MYO18B: variants seen among roughly 807,000 people sequenced by gnomAD.
MYO18B encodes the protein unconventional myosin-XVIIIb.
MYO18B carries 204 observed loss-of-function variants against 273.0 expected under a neutral mutation model. That is an observed-to-expected ratio of 0.75 (90% confidence interval 0.67 to 0.84). The LOEUF (loss-of-function observed/expected upper bound fraction) is 0.84, where lower values mean the gene tolerates loss of function less well. Ranked by LOEUF, MYO18B falls within the 40% of genes least tolerant of loss-of-function variation. The pLI is 0.00. For missense variants in MYO18B, 3,212 were observed against 3,287.6 expected (o/e 0.98, Z 0.56); for synonymous variants, 1,330 against 1,305.7 (o/e 1.02, Z -0.40).
intron 33 of MYO18B, among the ~76,000 whole-genome samples, chr22:25,917,794 TC>T (rs1475632288): frequency 6.6e-6 from 1 of 152,228 alleles, no homozygotes; most frequent in Non-Finnish European, 1.5e-5. Context: ...TTCTATGTTC[TC>T]TTTTGACCTA....
intron 40 of MYO18B, among the ~76,000 whole-genome samples, chr22:25,995,970 A>G (rs1284414367): frequency 6.6e-6 from 1 of 152,192 alleles, no homozygotes; most frequent in Non-Finnish European, 1.5e-5. Flanking sequence ...GTGTGACACG[A>G]CTACAGAAAA....
intron 32 of MYO18B, among the ~76,000 whole-genome samples, chr22:25,910,325 G>GT (rs1052679751): frequency 2.6e-5 from 4 of 152,134 alleles, no homozygotes; most frequent in African/African-American, 9.7e-5. Flanking sequence ...CGCTCATGTG[G>GT]TGGAGAAAGA....
chr22:25,781,644 C>A (rs1033833051), intron 9 of MYO18B, 90 bp from the exon 10 acceptor site: 16 of 594,468 alleles, frequency 2.7e-5, no homozygotes, highest in Middle Eastern at 4.8e-4. Context: ...CAGAGTGGGG[C>A]ACCCCAATGG....
intron 8 of MYO18B, among the ~76,000 whole-genome samples, chr22:25,778,240 G>C (rs2086994852): frequency 6.6e-6 from 1 of 151,932 alleles, no homozygotes; most frequent in South Asian, 2.1e-4. Flanking sequence ...AGAGGAAATT[G>C]AACTGTACCT....
chr22:25,895,955 TTG>T (rs1457727243), intron 28 of MYO18B, among the ~76,000 whole-genome samples: 12 of 152,130 alleles, frequency 7.9e-5, no homozygotes, highest in African/African-American at 2.9e-4. Flanking sequence ...CAGTGAATTT[TTG>T]TGTGTGTATT....
intron 21 of MYO18B, among the ~76,000 whole-genome samples, chr22:25,852,150 T>A (rs1601353358): frequency 6.6e-6 from 1 of 152,228 alleles, no homozygotes; most frequent in South Asian, 2.1e-4. Flanking sequence ...CAGGGCCCCA[T>A]GTTTGAGAAT....
At chr22:25,992,316 G>C (rs768574910) in intron 39 of MYO18B, 47 bp from the exon 40 acceptor site, 2 of 1,607,454 alleles carry the variant, frequency 1.2e-6, no homozygotes, top group Non-Finnish European at 1.7e-6. Flanking sequence ...CATGGGTGGT[G>C]CATTTCTTGC....
In MYO18B at chr22:26,027,738, T is replaced by C. The variant is rs1936373766; in HGVS notation, c.*12+48T>C. 1.3e-6 allele frequency: 2 copies of C among 1,512,446 alleles called. No individual in the cohort carries two copies. The highest frequency in any genetic ancestry group is 2.1e-5 in the Admixed American group (1 of 47,570). 93.7% of individuals were successfully genotyped at this position (1,512,446 alleles called of 1,614,324 possible). A position where few individuals can be genotyped will look rare whatever the true frequency, so the allele number is the denominator to read the frequency against. On this transcript the variant is annotated intron_variant, in intron 43 of 43. Coordinates refer to ENST00000335473, the MANE Select transcript of MYO18B (RefSeq NM_032608.7). The surrounding 1 kb of genome is among the most constrained non-coding windows in gnomAD (Gnocchi z 4.1). Reference sequence around the variant, plus strand: ...ATTCTTGGGGGAATGAGAGTTCACCTTGCAGCCTTGGGGAGAGCAGGTGCC... The same window carrying C: ...ATTCTTGGGGGAATGAGAGTTCACCCTGCAGCCTTGGGGAGAGCAGGTGCC...
intron 12 of MYO18B, among the ~76,000 whole-genome samples, chr22:25,816,174 T>G (rs537498057): frequency 1.3e-5 from 2 of 152,176 alleles, no homozygotes; most frequent in Non-Finnish European, 2.9e-5. Context: ...TTTCTGGTTG[T>G]CCCTGGGCAG....
chr22:25,908,384 G>A lies in MYO18B; in HGVS notation c.5211G>A (p.Glu1737=). The A allele has an allele frequency of 6.2e-7, 1 of 1,603,136 alleles. No individual in the cohort carries two copies. Among genetic ancestry groups the A allele is most frequent in the Non-Finnish European group, 8.5e-7 (1 of 1,175,106 alleles). The change falls in exon 32 of 44, where the codon GAG becomes GAA. Residue 1737 remains glutamate, a synonymous_variant. Transcript: ENST00000335473. ...RMKQMHQKDR[E]DQEEELEDVR... ...AGCAGATGCACCAGAAGGACCGTGA[G>A]GACCAGGAGGAGGAACTGGAGGATG...
the MYO18B span, among the ~76,000 whole-genome samples, chr22:26,060,326 T>C: frequency 6.6e-6 from 1 of 152,240 alleles, no homozygotes; most frequent in Non-Finnish European, 1.5e-5. Context: ...CCTGGCTCTT[T>C]ATAGGAAAAA....
the MYO18B span, among the ~76,000 whole-genome samples, chr22:26,051,317 G>A: frequency 4.6e-4 from 65 of 139,796 alleles, no homozygotes; most frequent in African/African-American, 1.7e-3. Context: ...TCCACCTCCC[G>A]GGTTCACGCC....
At chr22:25,764,196 T>C (rs2086425738) in intron 3 of MYO18B, among the ~76,000 whole-genome samples, 1 of 152,220 alleles carries the variant, frequency 6.6e-6, no homozygotes. Flanking sequence ...CGCTGCTGCA[T>C]TGAAGCAATA....
At chr22:25,929,807 T>G (rs2092472372) in intron 34 of MYO18B, among the ~76,000 whole-genome samples, 1 of 152,144 alleles carries the variant, frequency 6.6e-6, no homozygotes. Flanking sequence ...GTACTTGGAT[T>G]TCTCTCAAGT....
At chr22:25,784,812 T>A (rs2087310553) in intron 10 of MYO18B, among the ~76,000 whole-genome samples, 1 of 152,228 alleles carries the variant, frequency 6.6e-6, no homozygotes, top group East Asian at 1.9e-4. Context: ...TCGAGGAACC[T>A]GCAGGTTGAA....
At chr22:25,891,643 A>G (rs909597200) in intron 27 of MYO18B, among the ~76,000 whole-genome samples, 4 of 152,222 alleles carry the variant, frequency 2.6e-5, no homozygotes, top group African/African-American at 9.6e-5. Context: ...TCTGTATGAT[A>G]TGTGCTATTT....
chr22:25,867,230 C>T (rs929698880), intron 21 of MYO18B, among the ~76,000 whole-genome samples: 19 of 152,210 alleles, frequency 1.2e-4, no homozygotes, highest in African/African-American at 4.1e-4. Flanking sequence ...ATCTGCACAA[C>T]GCTCTTCCTC....
intron 21 of MYO18B, among the ~76,000 whole-genome samples, chr22:25,859,752 A>G (rs992125355): frequency 6.6e-6 from 1 of 151,980 alleles, no homozygotes; most frequent in Non-Finnish European, 1.5e-5. Context: ...TATTTGTTCT[A>G]GACATAATTA....
the MYO18B span, among the ~76,000 whole-genome samples, chr22:26,045,049 G>GTT: frequency 6.7e-6 from 1 of 149,820 alleles, no homozygotes; most frequent in Admixed American, 6.6e-5. Flanking sequence ...CTATGTGACT[G>GTT]TTTTTTTTTG....
Sources: allele counts gnomAD v4.1 joint callset (sites outside exome capture counted in the v4.1 genomes callset), GRCh38; gene constraint gnomAD v4.1.1; non-coding constraint Gnocchi (gnomAD v3.1); transcripts MANE v1.5; gene names NCBI Gene and HGNC (gene_info 2026-07-23, HGNC 2026-07-21).